SLC25A12: variants seen among roughly 807,000 people sequenced by gnomAD.
SLC25A12 encodes the protein electrogenic aspartate/glutamate antiporter SLC25A12, mitochondrial.
SLC25A12 carries 32 observed loss-of-function variants against 83.3 expected under a neutral mutation model. The observed-to-expected ratio is 0.38, with a 90% CI of 0.29 to 0.52. The LOEUF (loss-of-function observed/expected upper bound fraction) is 0.52. SLC25A12 is among the 20% of genes least tolerant of loss of function. The probability of loss-of-function intolerance (pLI) is 0.84; values close to 1 mark genes in which losing one functional copy is unlikely to be tolerated. For synonymous variants in SLC25A12, 267 were observed against 291.1 expected (o/e 0.92, Z 0.84); for missense variants, 611 against 835.6 (o/e 0.73, Z 3.31).
chr2:171,881,334 T>C (rs932301574), intron 2 of SLC25A12, among the ~76,000 whole-genome samples: 6 of 152,158 alleles, frequency 3.9e-5, no homozygotes, highest in African/African-American at 1.4e-4. Context: ...TGTATTTTAG[T>C]AGAGATGGGG....
chr2:171,802,577 C>T (rs538907038), intron 13 of SLC25A12, among the ~76,000 whole-genome samples: 97 of 152,184 alleles, frequency 6.4e-4, no homozygotes, highest in African/African-American at 2.3e-3. Context: ...AAGATCGAGA[C>T]CATCCTGGCT....
At chr2:171,882,867 T>A (rs1380251089) in intron 2 of SLC25A12, among the ~76,000 whole-genome samples, 1 of 152,218 alleles carries the variant, frequency 6.6e-6, no homozygotes, top group Non-Finnish European at 1.5e-5. Context: ...TCTTGGGATT[T>A]CAGAGCCTAT....
At chr2:171,842,348 T>A (rs1024872616) in intron 5 of SLC25A12, among the ~76,000 whole-genome samples, 5 of 151,166 alleles carry the variant, frequency 3.3e-5, no homozygotes, top group African/African-American at 1.2e-4. Flanking sequence ...ATGCCAGCAC[T>A]TTGGGATGCT....
intron 9 of SLC25A12, among the ~76,000 whole-genome samples, chr2:171,822,469 A>C (rs950442942): frequency 6.6e-6 from 1 of 152,102 alleles, no homozygotes; most frequent in Non-Finnish European, 1.5e-5. Context: ...CTGCAGCCTC[A>C]AATTCCTGGG....
At chr2:171,816,677 T>C (rs535119570) in intron 9 of SLC25A12, among the ~76,000 whole-genome samples, 1 of 152,166 alleles carries the variant, frequency 6.6e-6, no homozygotes, top group Admixed American at 6.5e-5. Context: ...GCCCACTATA[T>C]TGAATATGCT....
intron 13 of SLC25A12, among the ~76,000 whole-genome samples, chr2:171,802,689 T>C (rs1574682312): frequency 6.6e-6 from 1 of 152,262 alleles, no homozygotes; most frequent in East Asian, 1.9e-4. Flanking sequence ...GGCAGGAGAA[T>C]GGCGTGAACC....
At chr2:171,861,176 T>C (rs1213161263) in intron 3 of SLC25A12, among the ~76,000 whole-genome samples, 1 of 151,754 alleles carries the variant, frequency 6.6e-6, no homozygotes, top group African/African-American at 2.4e-5. Context: ...GGTAGATATA[T>C]GGGTGTTCAC....
chr2:171,851,858 T>C (rs1425672673), intron 4 of SLC25A12, among the ~76,000 whole-genome samples: 1 of 152,182 alleles, frequency 6.6e-6, no homozygotes, highest in East Asian at 1.9e-4. Flanking sequence ...GGATTTTAAA[T>C]GCATGGCAGC....
intron 4 of SLC25A12, among the ~76,000 whole-genome samples, chr2:171,849,744 G>C (rs1474399727): frequency 6.6e-6 from 1 of 151,924 alleles, no homozygotes; most frequent in African/African-American, 2.4e-5. Context: ...TTTTAGTAGA[G>C]ACAGGGTTTC....
chr2:171,841,069 ATTTG>A (rs200520228), intron 5 of SLC25A12, among the ~76,000 whole-genome samples: 9 of 152,166 alleles, frequency 5.9e-5, no homozygotes, highest in Non-Finnish European at 1.0e-4. Context: ...AACAAGAGGG[ATTTG>A]TTTGTTTGTT....
intron 9 of SLC25A12, among the ~76,000 whole-genome samples, chr2:171,818,309 A>C (rs772199608): frequency 1.7e-4 from 26 of 152,096 alleles, no homozygotes; most frequent in Non-Finnish European, 3.8e-4. Context: ...TATGGTCGTA[A>C]AGTTTGATAT....
intron 13 of SLC25A12, among the ~76,000 whole-genome samples, chr2:171,802,630 G>A (rs950027363): frequency 5.9e-5 from 9 of 152,048 alleles, no homozygotes; most frequent in Admixed American, 3.3e-4. Context: ...CAAAAAATTA[G>A]CCAGGCCTGG....
chr2:171,808,126 G>A (rs537701043), intron 13 of SLC25A12, among the ~76,000 whole-genome samples: 10 of 152,334 alleles, frequency 6.6e-5, no homozygotes, highest in African/African-American at 1.9e-4. Context: ...AGTCTGAAAC[G>A]AACCATGTGT....
chr2:171,876,543 T>TGG lies in SLC25A12; in HGVS notation c.67-7722_67-7721dup, dbSNP rs773967179. ...ATCAGGGGTTTGGGTTTTTTTTTTT[T>TGG]GGGGGGGGGGGGACTCAAGTGATCC... is the stretch of plus-strand genomic sequence containing the variant. On this transcript the variant is annotated intron_variant, in intron 2 of 17. Transcript: ENST00000422440. Among the ~76,000 whole-genome samples the TGG allele has an allele frequency of 9.8e-4, 29 of 29,572 alleles. 3 individuals carry two copies. The highest frequency in any genetic ancestry group is 4.6e-3 in the East Asian group (2 of 432). The allele number at this position is 29,572 out of a possible 152,430, so 19.4% of individuals were successfully genotyped here.
intron 9 of SLC25A12, among the ~76,000 whole-genome samples, chr2:171,820,682 C>T (rs1303047475): frequency 2.8e-5 from 4 of 144,606 alleles, no homozygotes; most frequent in African/African-American, 1.0e-4. Flanking sequence ...GAGCCGAGAT[C>T]CCGCCACTGC....
chr2:171,889,896 T>C (rs1685896080), intron 2 of SLC25A12, among the ~76,000 whole-genome samples: 1 of 152,214 alleles, frequency 6.6e-6, no homozygotes, highest in Non-Finnish European at 1.5e-5. Flanking sequence ...AAAACTAACA[T>C]TAATATCCTT....
At chr2:171,789,498 G>C (rs184024395) in intron 15 of SLC25A12, among the ~76,000 whole-genome samples, 7 of 152,264 alleles carry the variant, frequency 4.6e-5, no homozygotes, top group Admixed American at 2.6e-4. Context: ...AAAGTGCTGG[G>C]ATTACAGGAA....
chr2:171,815,264 A>C, intron 9 of SLC25A12, 62 bp from the exon 10 acceptor site: 3 of 1,121,250 alleles, frequency 2.7e-6, no homozygotes, highest in Non-Finnish European at 4.1e-6. Context: ...TGAAAAAGCT[A>C]CAATTTGACT....
At chr2:171,817,111 TAACTGAATCG>T (rs1022953269) in intron 9 of SLC25A12, among the ~76,000 whole-genome samples, 4 of 152,184 alleles carry the variant, frequency 2.6e-5, no homozygotes, top group African/African-American at 9.7e-5. Flanking sequence ...CCCTCACCAG[TAACTGAATCG>T]GCCAGCACCT....
Sources: gnomAD v4.1 joint callset for allele counts (sites outside exome capture counted in the v4.1 genomes callset) on GRCh38, gnomAD v4.1.1 for gene constraint, MANE v1.5 for transcripts, NCBI Gene and HGNC (gene_info 2026-07-23, HGNC 2026-07-21) for gene names.